The following CARMIL1 variants were observed in gnomAD, a reference collection of about 807,000 sequenced individuals.
The protein encoded by CARMIL1 is capping protein regulator and myosin 1 linker 1, also known as F-actin-uncapping protein LRRC16A.
Under a neutral mutation model 177.1 loss-of-function variants are expected in CARMIL1, and 90 were observed. That is an observed-to-expected ratio of 0.51 (90% CI 0.43 to 0.61). The LOEUF (loss-of-function observed/expected upper bound fraction) is 0.61, where lower values mean the gene tolerates loss of function less well. Among genes scored for constraint, CARMIL1 ranks in the 20% least tolerant of loss-of-function variants. The pLI is 0.00. For missense variants in CARMIL1, 1,380 were observed against 1,667.0 expected (o/e 0.83, Z 3.00); for synonymous variants, 577 against 606.2 (o/e 0.95, Z 0.71).
rs12207840 is a variant in CARMIL1 at position 25,515,676 on chromosome 6, C to T, written c.1634C>T (p.Pro545Leu). Reference protein sequence around the residue: ...LVQMIQDEESPLQSLSLADSK... With the variant: ...LVQMIQDEESLLQSLSLADSK... ...TGCCGTGTGTCATTTGCTCCGCAGC[C>T]TCTGCAGTCCTTGTCCCTGGCTGAC... The change falls in exon 21 of 37, where the codon CCT becomes CTT. Residue 545 changes from proline (P) to leucine (L), a missense_variant and splice_region_variant. Coordinates refer to ENST00000329474, the MANE Select transcript of CARMIL1 (RefSeq NM_017640.6). This position sits in a 1 kb window ranked among gnomAD's most constrained non-coding sequence, Gnocchi z 5.0. 4.6e-4 allele frequency: 741 copies of T among 1,599,622 alleles called. No homozygotes were observed. The highest frequency in any genetic ancestry group is 5.8e-4 in the Non-Finnish European group (678 of 1,173,276).
chr6:25,602,249 C>G (rs9885619), intron 33 of CARMIL1, among the ~76,000 whole-genome samples: 7,534 of 152,262 alleles, frequency 0.049, 254 homozygotes, highest in South Asian at 0.099. Flanking sequence ...CCTGCTCACT[C>G]AACAAAGGAG....
intron 2 of CARMIL1, among the ~76,000 whole-genome samples, chr6:25,336,976 A>G (rs1257519881): frequency 6.6e-6 from 1 of 152,234 alleles, no homozygotes; most frequent in Non-Finnish European, 1.5e-5. Flanking sequence ...GTTTTGGCAC[A>G]GTTGCCCTTT....
chr6:25,349,304 C>T (rs538193354), intron 2 of CARMIL1, among the ~76,000 whole-genome samples: 1 of 152,324 alleles, frequency 6.6e-6, no homozygotes, highest in Admixed American at 6.5e-5. Flanking sequence ...AAAACTCACT[C>T]AGACATGGCG....
chr6:25,584,026 C>CTTTTTTTT (rs71544648), intron 31 of CARMIL1, among the ~76,000 whole-genome samples: 10 of 119,128 alleles, frequency 8.4e-5, no homozygotes, highest in Non-Finnish European at 1.4e-4. Flanking sequence ...TTTTCTTTTT[C>CTTTTTTTT]TTTTTTTTTT....
chr6:25,331,395 T>A (rs1691726208), intron 2 of CARMIL1, among the ~76,000 whole-genome samples: 1 of 152,224 alleles, frequency 6.6e-6, no homozygotes, highest in Non-Finnish European at 1.5e-5. Flanking sequence ...ATTTTGTGGG[T>A]ACTAAGTTCT....
intron 1 of CARMIL1, 143 bp from the exon 2 acceptor site, chr6:25,284,669 A>G (rs2744285): frequency 0.02 from 11,075 of 541,444 alleles, 766 homozygotes; most frequent in African/African-American, 0.17. Context: ...AGATCTCACC[A>G]CTGCACTCCA....
intron 2 of CARMIL1, among the ~76,000 whole-genome samples, chr6:25,346,958 C>T (rs1581640594): frequency 6.6e-6 from 1 of 152,246 alleles, no homozygotes; most frequent in East Asian, 1.9e-4. Context: ...GTTCTCTCTA[C>T]ATGCATTTAG....
intron 31 of CARMIL1, among the ~76,000 whole-genome samples, chr6:25,585,254 T>A (rs1331264581): frequency 6.6e-6 from 1 of 152,252 alleles, no homozygotes; most frequent in Non-Finnish European, 1.5e-5. Context: ...CTTACTTTTA[T>A]TATTAGTGTT....
intron 2 of CARMIL1, among the ~76,000 whole-genome samples, chr6:25,388,835 C>T (rs1001738153): frequency 6.6e-6 from 1 of 152,024 alleles, no homozygotes; most frequent in Non-Finnish European, 1.5e-5. Context: ...ACCACCACAC[C>T]CAGCACATTT....
At chr6:25,517,243 G>A in intron 21 of CARMIL1, 104 bp from the exon 22 acceptor site, 1 of 774,522 alleles carries the variant, frequency 1.3e-6, no homozygotes, top group East Asian at 2.5e-5. Context: ...TAATGCAGCT[G>A]TACTGAAATA....
chr6:25,556,582 T>G (rs888641315), intron 28 of CARMIL1, 119 bp from the exon 29 acceptor site: 5 of 799,156 alleles, frequency 6.3e-6, no homozygotes, highest in Non-Finnish European at 9.7e-6. Context: ...GAATTGTCCT[T>G]GTCACTCGTC....
chr6:25,564,829 G>T (rs185638720), intron 29 of CARMIL1, among the ~76,000 whole-genome samples: 4 of 152,228 alleles, frequency 2.6e-5, no homozygotes, highest in Admixed American at 2.0e-4. Flanking sequence ...TCAGACTGAG[G>T]TGGTTATACA....
intron 8 of CARMIL1, among the ~76,000 whole-genome samples, chr6:25,465,006 A>G (rs1800465657): frequency 6.8e-6 from 1 of 147,280 alleles, no homozygotes; most frequent in African/African-American, 2.5e-5. Context: ...AAGAGCTGAT[A>G]TGAAGCCTAA....
intron 24 of CARMIL1, among the ~76,000 whole-genome samples, chr6:25,530,996 T>C (rs1807713836): frequency 6.6e-6 from 1 of 152,164 alleles, no homozygotes. Context: ...ATCGCAATAA[T>C]GTAAAGGTAA....
intron 5 of CARMIL1, among the ~76,000 whole-genome samples, chr6:25,437,371 A>G (rs1338394605): frequency 6.6e-6 from 1 of 152,106 alleles, no homozygotes; most frequent in Non-Finnish European, 1.5e-5. Flanking sequence ...AACCATTTTT[A>G]TTTTTGGTTT....
At chr6:25,597,940 C>T (rs966805794) in intron 32 of CARMIL1, among the ~76,000 whole-genome samples, 1 of 152,146 alleles carries the variant, frequency 6.6e-6, no homozygotes, top group African/African-American at 2.4e-5. Flanking sequence ...CTTCTAGCTT[C>T]CGGTGTTGCT....
intron 3 of CARMIL1, among the ~76,000 whole-genome samples, chr6:25,423,690 G>T (rs1796055323): frequency 6.6e-6 from 1 of 152,148 alleles, no homozygotes; most frequent in Non-Finnish European, 1.5e-5. Context: ...TGTTGCTTGT[G>T]GGATGGGCAC....
chr6:25,502,518 C>A (rs1459597426), intron 17 of CARMIL1, among the ~76,000 whole-genome samples: 1 of 149,168 alleles, frequency 6.7e-6, no homozygotes, highest in African/African-American at 2.5e-5. Flanking sequence ...TGTACCAATG[C>A]ACTCCAGCCC....
At chr6:25,482,195 C>T in intron 11 of CARMIL1, 62 bp from the exon 12 acceptor site, 2 of 765,042 alleles carry the variant, frequency 2.6e-6, no homozygotes, top group Admixed American at 2.6e-5. Context: ...AATTTTCATC[C>T]ATTGTAAAAA....
Sources: gnomAD v4.1 joint callset for allele counts (sites outside exome capture counted in the v4.1 genomes callset) on GRCh38, gnomAD v4.1.1 for gene constraint, Gnocchi (gnomAD v3.1) non-coding constraint, MANE v1.5 for transcripts, NCBI Gene and HGNC (gene_info 2026-07-23, HGNC 2026-07-21) for gene names.